The following TMCO5A variants were observed in gnomAD, a reference collection of about 807,000 sequenced individuals.
TMCO5A encodes transmembrane and coiled-coil domain-containing protein 5A.
TMCO5A carries 34 observed loss-of-function variants against 42.3 expected under a neutral mutation model. The ratio of observed to expected loss-of-function variants is 0.80; its 90% CI spans 0.61 to 1.07. The LOEUF is 1.07. TMCO5A is among the 50% of genes least tolerant of loss of function. TMCO5A has a pLI of 0.00. For missense variants in TMCO5A, 357 were observed against 327.9 expected (o/e 1.09, Z -0.69); for synonymous variants, 131 against 115.6 (o/e 1.13, Z -0.86).
intron 6 of TMCO5A, among the ~76,000 whole-genome samples, chr15:37,938,619 C>A (rs1209506463): frequency 6.6e-6 from 1 of 152,030 alleles, no homozygotes; most frequent in Non-Finnish European, 1.5e-5. Flanking sequence ...TGGATGGCTG[C>A]AACTTCAAAA....
the TMCO5A span, among the ~76,000 whole-genome samples, chr15:38,011,397 G>A: frequency 6.6e-6 from 1 of 151,848 alleles, no homozygotes; most frequent in Admixed American, 6.6e-5. Context: ...GACAGTGATC[G>A]AGAGAGAGAG....
downstream of TMCO5A, among the ~76,000 whole-genome samples, chr15:37,968,622 G>A (rs1890613400): frequency 7.1e-6 from 1 of 139,938 alleles, no homozygotes; most frequent in African/African-American, 2.7e-5. Flanking sequence ...TCGCCCTGTT[G>A]CCCAGGCTGG....
In TMCO5A at chr15:37,950,127, T is replaced by C. The variant is rs914205709; in HGVS notation, c.669-909T>C. Among the ~76,000 whole-genome samples the C allele has an allele frequency of 1.1e-4, 16 of 152,188 alleles. 1 individual carries two copies. Among genetic ancestry groups the C allele is most frequent in the African/African-American group, 3.9e-4 (16 of 41,458 alleles). ...TAATCTAGGAAGCTGCACTACATAC[T>C]GTGACTTTCACCATATTCCATTCTT... On this transcript the variant is annotated intron_variant, in intron 11 of 11. Coordinates refer to ENST00000319669, the MANE Select transcript of TMCO5A (RefSeq NM_152453.4).
chr15:38,005,919 G>C, the TMCO5A span, among the ~76,000 whole-genome samples: 28 of 152,180 alleles, frequency 1.8e-4, no homozygotes, highest in African/African-American at 6.5e-4. Flanking sequence ...AATAACGGAG[G>C]TTTGGCTTAG....
exon 12 of TMCO5A, chr15:37,966,677 AC>A (rs1194599981): frequency 1.4e-6 from 1 of 702,940 alleles, no homozygotes; most frequent in Non-Finnish European, 2.6e-6. Flanking sequence ...CAGATCTCGT[AC>A]TACCAGATTG....
At chr15:38,031,723 C>T in the TMCO5A span, among the ~76,000 whole-genome samples, 9 of 152,134 alleles carry the variant, frequency 5.9e-5, no homozygotes, top group Non-Finnish European at 1.3e-4. Flanking sequence ...CAAAAATCAC[C>T]AGCTAAGCCA....
At chr15:37,981,591 G>C in the TMCO5A span, among the ~76,000 whole-genome samples, 1 of 152,198 alleles carries the variant, frequency 6.6e-6, no homozygotes, top group Non-Finnish European at 1.5e-5. Context: ...CCGGGGTTGG[G>C]AGGATCACTT....
chr15:38,030,153 A>T, the TMCO5A span, among the ~76,000 whole-genome samples: 2 of 152,186 alleles, frequency 1.3e-5, no homozygotes, highest in African/African-American at 4.8e-5. Context: ...GGAGACTAAA[A>T]GCAAAATCCA....
chr15:37,941,077 C>T (rs1360965959), intron 6 of TMCO5A, 72 bp from the exon 7 acceptor site: 5 of 1,487,026 alleles, frequency 3.4e-6, no homozygotes, highest in East Asian at 2.3e-5. Flanking sequence ...CGTGAGGCCA[C>T]CTTGGTGACA....
chr15:38,012,768 C>T, the TMCO5A span, among the ~76,000 whole-genome samples: 6 of 152,106 alleles, frequency 3.9e-5, no homozygotes, highest in South Asian at 2.1e-4. Context: ...ATTCTTTCTT[C>T]GGCTTCCTGT....
At chr15:38,010,851 C>G in the TMCO5A span, among the ~76,000 whole-genome samples, 1 of 152,134 alleles carries the variant, frequency 6.6e-6, no homozygotes, top group South Asian at 2.1e-4. Flanking sequence ...CTCCCAGGTT[C>G]AAGTGATTCT....
chr15:37,941,510 TA>T (rs1239460810), intron 7 of TMCO5A, among the ~76,000 whole-genome samples, 160 bp from the exon 8 acceptor site: 1 of 151,782 alleles, frequency 6.6e-6, no homozygotes, highest in African/African-American at 2.4e-5. Flanking sequence ...TTTTTTACCC[TA>T]AAAAAAGGAA....
chr15:37,964,732 A>G (rs1890516536), intron 11 of TMCO5A, among the ~76,000 whole-genome samples: 2 of 152,192 alleles, frequency 1.3e-5, no homozygotes, highest in Admixed American at 6.6e-5. Flanking sequence ...TATAATGAAA[A>G]ATGTAAAACA....
chr15:37,992,154 G>GA, the TMCO5A span, among the ~76,000 whole-genome samples: 1 of 151,882 alleles, frequency 6.6e-6, no homozygotes, highest in South Asian at 2.1e-4. Context: ...AAATTTACAA[G>GA]AAAAAAACAA....
chr15:37,963,205 C>G (rs1278154546), intron 11 of TMCO5A, among the ~76,000 whole-genome samples: 1 of 152,100 alleles, frequency 6.6e-6, no homozygotes, highest in Non-Finnish European at 1.5e-5. Context: ...AAACTTTCCT[C>G]TTAGCACCAC....
At chr15:38,038,292 G>A in the TMCO5A span, among the ~76,000 whole-genome samples, 2 of 152,020 alleles carry the variant, frequency 1.3e-5, no homozygotes, top group Non-Finnish European at 2.9e-5. Flanking sequence ...ATGATGGGAC[G>A]ATGGCACTGC....
intron 6 of TMCO5A, among the ~76,000 whole-genome samples, chr15:37,939,625 C>T (rs1889659740): frequency 6.6e-6 from 1 of 152,040 alleles, no homozygotes; most frequent in African/African-American, 2.4e-5. Context: ...TGCTGGCTAG[C>T]CCTAAAGAGT....
At chr15:37,980,755 A>G in the TMCO5A span, among the ~76,000 whole-genome samples, 1 of 151,890 alleles carries the variant, frequency 6.6e-6, no homozygotes, top group African/African-American at 2.4e-5. Flanking sequence ...CCAATGCTAC[A>G]TCAAACTGGA....
At chr15:38,007,816 T>C in the TMCO5A span, among the ~76,000 whole-genome samples, 405 of 147,388 alleles carry the variant, frequency 2.7e-3, 1 homozygote, top group Middle Eastern at 0.039. Flanking sequence ...CATTTATCTA[T>C]CAAGTCCAGT....
Sources: allele counts gnomAD v4.1 joint callset (sites outside exome capture counted in the v4.1 genomes callset), GRCh38; gene constraint gnomAD v4.1.1; transcripts MANE v1.5; gene names NCBI Gene and HGNC (gene_info 2026-07-23, HGNC 2026-07-21).